Variants in PPFIA2 observed in about 807,000 individuals in gnomAD.
PPFIA2 encodes the protein liprin-alpha-2.
Under a neutral mutation model 175.5 loss-of-function variants are expected in PPFIA2, and 46 were observed. The observed-to-expected ratio is 0.26, with a 90% CI of 0.21 to 0.34. PPFIA2 has a LOEUF of 0.34. Ranked by LOEUF, PPFIA2 falls within the 10% of genes least tolerant of loss-of-function variation. The pLI is 1.00. For synonymous variants in PPFIA2, 568 were observed against 511.4 expected (o/e 1.11, Z -1.49); for missense variants, 1,179 against 1,506.1 (o/e 0.78, Z 3.60).
intron 4 of PPFIA2, among the ~76,000 whole-genome samples, chr12:81,498,618 T>C (rs2147307731): frequency 6.6e-6 from 1 of 152,258 alleles, no homozygotes; most frequent in South Asian, 2.1e-4. Context: ...AATTTATTTA[T>C]TCATTATTTA....
rs75480656 is a variant in PPFIA2, at chr12:81,747,264, A to G, written c.249+6709T>C. ...CAGTGTGCTGGTATTAGGTTTCACA[A>G]AAAACAAAGGAGCTAAATTCAGTTA... is the stretch of plus-strand genomic sequence containing the variant. On this transcript the variant is annotated intron_variant, in intron 3 of 32. Transcript: ENST00000549396. 3.5e-3 allele frequency among the ~76,000 whole-genome samples: 508 copies of G among 144,422 alleles called. 31 individuals carry two copies. The highest frequency in any genetic ancestry group is 0.011 in the African/African-American group (458 of 41,174). 94.7% of individuals were successfully genotyped at this position (144,422 alleles called of 152,430 possible).
intron 22 of PPFIA2, chr12:81,312,094 G>C (rs1167687359): frequency 1.3e-6 from 2 of 1,491,760 alleles, no homozygotes; most frequent in Non-Finnish European, 1.8e-6. Flanking sequence ...GTAATACTCT[G>C]AAAAAAGAAA....
At chr12:81,548,829 T>C (rs1437457432) in intron 4 of PPFIA2, among the ~76,000 whole-genome samples, 1 of 152,168 alleles carries the variant, frequency 6.6e-6, no homozygotes, top group Non-Finnish European at 1.5e-5. Flanking sequence ...GAATAAATGT[T>C]AAGCAAATTT....
At chr12:81,486,185 T>C (rs1567023791) in intron 4 of PPFIA2, among the ~76,000 whole-genome samples, 1 of 151,900 alleles carries the variant, frequency 6.6e-6, no homozygotes, top group African/African-American at 2.4e-5. Context: ...AATAACCATA[T>C]GGTGTTGCTA....
chr12:81,302,097 A>G (rs1371103386), intron 22 of PPFIA2: 1 of 314,764 alleles, frequency 3.2e-6, no homozygotes, highest in East Asian at 9.5e-5. Context: ...AATGCCAATC[A>G]GTGTTTATAT....
chr12:81,355,687 G>A (rs2060760396), intron 16 of PPFIA2, among the ~76,000 whole-genome samples: 1 of 152,180 alleles, frequency 6.6e-6, no homozygotes, highest in Admixed American at 6.5e-5. Flanking sequence ...TTTATGTTGT[G>A]AAGATGGCTT....
intron 4 of PPFIA2, among the ~76,000 whole-genome samples, chr12:81,594,705 A>G (rs2059054551): frequency 6.6e-6 from 1 of 152,096 alleles, no homozygotes; most frequent in South Asian, 2.1e-4. Flanking sequence ...GCTTGAGCCC[A>G]GGAGTTCAAG....
At chr12:81,351,006 C>T (rs2059910949) in intron 17 of PPFIA2, among the ~76,000 whole-genome samples, 1 of 152,076 alleles carries the variant, frequency 6.6e-6, no homozygotes, top group Non-Finnish European at 1.5e-5. Flanking sequence ...CTACCTGACA[C>T]AATTGGGTTC....
At chr12:81,732,509 T>C (rs2081041693) in intron 3 of PPFIA2, among the ~76,000 whole-genome samples, 1 of 105,614 alleles carries the variant, frequency 9.5e-6, no homozygotes, top group Non-Finnish European at 2.4e-5. Context: ...ATGATGTTTT[T>C]TTTTAAAAAA....
intron 8 of PPFIA2, among the ~76,000 whole-genome samples, chr12:81,402,079 C>G (rs942621378): frequency 6.6e-6 from 1 of 151,994 alleles, no homozygotes; most frequent in African/African-American, 2.4e-5. Flanking sequence ...CTCAATCCAC[C>G]GACACAAAAC....
intron 15 of PPFIA2, among the ~76,000 whole-genome samples, chr12:81,358,519 G>C (rs1378653370): frequency 6.6e-6 from 1 of 152,086 alleles, no homozygotes; most frequent in African/African-American, 2.4e-5. Context: ...TAATAAGACT[G>C]ATAATCAAAA....
chr12:81,513,047 T>C (rs1187031102), intron 4 of PPFIA2, among the ~76,000 whole-genome samples: 1 of 151,626 alleles, frequency 6.6e-6, no homozygotes, highest in African/African-American at 2.4e-5. Context: ...CTCAACCAAA[T>C]CAGCAAGGAA....
At chr12:81,419,420 T>TAA (rs925483669) in intron 7 of PPFIA2, among the ~76,000 whole-genome samples, 1 of 152,154 alleles carries the variant, frequency 6.6e-6, no homozygotes, top group Non-Finnish European at 1.5e-5. Context: ...TTGTTGTTTT[T>TAA]ATAAATATTT....
intron 4 of PPFIA2, among the ~76,000 whole-genome samples, chr12:81,568,404 G>A (rs1174605729): frequency 2.0e-5 from 3 of 152,196 alleles, no homozygotes; most frequent in Admixed American, 6.5e-5. Flanking sequence ...TATAACTTGG[G>A]ATCTCTGTTG....
At chr12:81,449,945 C>T (rs912058759) in intron 5 of PPFIA2, among the ~76,000 whole-genome samples, 2 of 151,998 alleles carry the variant, frequency 1.3e-5, no homozygotes, top group African/African-American at 4.8e-5. Flanking sequence ...CAGCTTCATC[C>T]ATGTCCCTAC....
chr12:81,612,409 C>T (rs943401157), intron 4 of PPFIA2, among the ~76,000 whole-genome samples: 3 of 152,112 alleles, frequency 2.0e-5, no homozygotes, highest in Admixed American at 2.0e-4. Flanking sequence ...GGGAGACAAA[C>T]TCTGCATTTT....
chr12:81,751,642 A>C (rs2083818794), intron 3 of PPFIA2, among the ~76,000 whole-genome samples: 1 of 151,942 alleles, frequency 6.6e-6, no homozygotes, highest in African/African-American at 2.4e-5. Context: ...AAAACTTCTG[A>C]GCTCCAAAAC....
chr12:81,377,972 T>C (rs1470143428), intron 9 of PPFIA2: 2 of 152,228 alleles, frequency 1.3e-5, no homozygotes, highest in East Asian at 1.9e-4. Flanking sequence ...CTAAATCCAA[T>C]GACTGGTGTT....
intron 3 of PPFIA2, among the ~76,000 whole-genome samples, chr12:81,678,570 T>C (rs1163991482): frequency 6.6e-6 from 1 of 151,868 alleles, no homozygotes; most frequent in Non-Finnish European, 1.5e-5. Context: ...TGGTCTCCTT[T>C]CTAATGGAAA....
Sources: allele counts gnomAD v4.1 joint callset (sites outside exome capture counted in the v4.1 genomes callset), GRCh38; gene constraint gnomAD v4.1.1; transcripts MANE v1.5; gene names NCBI Gene and HGNC (gene_info 2026-07-23, HGNC 2026-07-21).